Variants in RC3H2 observed in about 807,000 individuals in gnomAD.
RC3H2 encodes ring finger and CCCH-type domains 2, also known as roquin-2.
RC3H2 carries 31 observed loss-of-function variants against 133.3 expected under a neutral mutation model. The ratio of observed to expected loss-of-function variants is 0.23; its 90% CI spans 0.17 to 0.31. RC3H2 has a LOEUF of 0.31. Ranked by LOEUF, RC3H2 falls within the 10% of genes least tolerant of loss-of-function variation. RC3H2 has a pLI of 1.00. For missense variants in RC3H2, 1,175 were observed against 1,437.2 expected (o/e 0.82, Z 2.95); for synonymous variants, 517 against 502.2 (o/e 1.03, Z -0.40).
chr9:122,859,148 C>A (rs776918671), intron 11 of RC3H2, 46 bp from the exon 12 acceptor site: 16 of 1,418,092 alleles, frequency 1.1e-5, no homozygotes, highest in Non-Finnish European at 1.5e-5. Flanking sequence ...TTAGTACAAT[C>A]CAACATTTTA....
intron 10 of RC3H2, among the ~76,000 whole-genome samples, chr9:122,863,869 C>G (rs779283836): frequency 1.3e-5 from 2 of 152,154 alleles, no homozygotes; most frequent in African/African-American, 2.4e-5. Context: ...TCCCAGGTAG[C>G]TGGGATTACA....
intron 8 of RC3H2, among the ~76,000 whole-genome samples, chr9:122,879,509 T>C (rs1295607130): frequency 6.6e-6 from 1 of 152,220 alleles, no homozygotes; most frequent in Non-Finnish European, 1.5e-5. Context: ...TGGAATCAAT[T>C]ATCTACATTT....
chr9:122,875,914 G>T (rs1024290230), intron 9 of RC3H2, among the ~76,000 whole-genome samples: 1 of 152,176 alleles, frequency 6.6e-6, no homozygotes, highest in African/African-American at 2.4e-5. Context: ...ACAATGAGAG[G>T]CTATCAAAGG....
Position 122,905,134 on chromosome 9 carries a change from T to C in RC3H2, c.-92A>G. 1 of 985,328 alleles carries C rather than the reference T, an allele frequency of 1.0e-6. No homozygotes were observed. Among genetic ancestry groups the C allele is most frequent in the Non-Finnish European group, 1.2e-6 (1 of 829,884 alleles). The allele number at this position is 985,328 out of a possible 1,614,324, so 61.0% of individuals were successfully genotyped here. On this transcript the variant is annotated 5_prime_UTR_variant, in exon 1 of 21. It removes the in-frame stop codon of an upstream open reading frame in the 5' UTR. Transcript: ENST00000357244. The stretch of plus-strand genomic sequence containing the variant: ...CCTGAGGGGGCCCGGGCGGGGTCGC[T>C]AAGGGCCGCTCCCGGGAGCCCCGCG...
intron 9 of RC3H2, chr9:122,874,462 C>T (rs1831246518): frequency 2.0e-5 from 3 of 151,570 alleles, no homozygotes; most frequent in South Asian, 4.2e-4. Flanking sequence ...AATAATTTTG[C>T]CATTATTATT....
intron 9 of RC3H2, among the ~76,000 whole-genome samples, chr9:122,876,696 G>A (rs988378930): frequency 6.6e-6 from 1 of 150,956 alleles, no homozygotes; most frequent in African/African-American, 2.4e-5. Flanking sequence ...TTTTTGGTGA[G>A]GTCTCAAAAA....
chr9:122,858,987 G>A lies in RC3H2; in HGVS notation c.1965C>T (p.Ala655=), dbSNP rs750527318. The change falls in exon 12 of 21, where the codon GCC becomes GCT. Residue 655 remains alanine (A), a synonymous_variant. Coordinates refer to ENST00000357244, the MANE Select transcript of RC3H2 (RefSeq NM_001100588.3). ...SSLPPASMPY[A]DHYSTFSPRD... is the part of the protein sequence containing the mutation. ...GAGGGGAAAATGTACTGTAATGATC[G>A]GCATATGGCATGGAAGCAGGTGGGA... 31 of 1,613,944 alleles carry A rather than the reference G, an allele frequency of 1.9e-5. No individual in the cohort carries two copies. Among genetic ancestry groups the A allele is most frequent in the Admixed American group, 1.2e-4 (7 of 59,996 alleles).
At chr9:122,887,791 C>T (rs1027124716) in intron 4 of RC3H2, among the ~76,000 whole-genome samples, 2 of 136,914 alleles carry the variant, frequency 1.5e-5, no homozygotes, top group African/African-American at 5.6e-5. Flanking sequence ...TTCACCCAGG[C>T]TAAAGTGAAG....
At chr9:122,881,018 G>A (rs1831597234) in intron 5 of RC3H2, among the ~76,000 whole-genome samples, 1 of 152,146 alleles carries the variant, frequency 6.6e-6, no homozygotes, top group Admixed American at 6.5e-5. Flanking sequence ...TCAGCCACTA[G>A]TAAGAAAGAG....
Position 122,849,693 on chromosome 9 carries a change from A to G in RC3H2, c.3510T>C (p.His1170=), listed in dbSNP as rs762527921. The G allele has an allele frequency of 1.2e-6, 2 of 1,613,610 alleles. No homozygotes were observed. Among genetic ancestry groups the G allele is most frequent in the South Asian group, 2.2e-5 (2 of 91,032 alleles). ...VSAGNLILKT[H]VMSEDKNDFL... is the part of the protein sequence containing the mutation. ...AGTCGTTTTTATCTTCAGACATAAC[A>G]TGAGTTTTCAGAATGAGGTTGCCAG... Residue 1170 remains histidine (H), a synonymous_variant, in exon 21 of 21, where the codon CAT becomes CAC. Coordinates refer to ENST00000357244, the MANE Select transcript of RC3H2 (RefSeq NM_001100588.3).
At chr9:122,891,773 T>C (rs1342444724) in intron 3 of RC3H2, among the ~76,000 whole-genome samples, 1 of 152,224 alleles carries the variant, frequency 6.6e-6, no homozygotes, top group Non-Finnish European at 1.5e-5. Context: ...GTGCAAAGCA[T>C]TCAACAGGTA....
intron 9 of RC3H2, chr9:122,874,588 G>T (rs1348347185): frequency 1.3e-5 from 2 of 152,140 alleles, no homozygotes; most frequent in African/African-American, 4.8e-5. Context: ...TATAATCTCA[G>T]TTCACGGCAG....
chr9:122,863,061 T>C (rs1209710721), intron 10 of RC3H2, among the ~76,000 whole-genome samples: 1 of 152,178 alleles, frequency 6.6e-6, no homozygotes, highest in African/African-American at 2.4e-5. Context: ...GAGAAACCTG[T>C]ACCCATTAGC....
intron 20 of RC3H2, 124 bp from the exon 21 acceptor site, chr9:122,849,946 T>A (rs1451836053): frequency 3.2e-5 from 17 of 528,710 alleles, no homozygotes; most frequent in Non-Finnish European, 9.4e-6. Flanking sequence ...CATGTCTTTA[T>A]CACTAGAAGT....
At chr9:122,850,526 T>G (rs951005417) in intron 20 of RC3H2, among the ~76,000 whole-genome samples, 6 of 151,880 alleles carry the variant, frequency 4.0e-5, no homozygotes, top group Non-Finnish European at 1.5e-5. Flanking sequence ...GCTCACTGTC[T>G]CCGCCTCCCG....
At chr9:122,859,251 G>GTTTT in intron 11 of RC3H2, 149 bp from the exon 12 acceptor site, 1 of 307,270 alleles carries the variant, frequency 3.3e-6, no homozygotes, top group Non-Finnish European at 4.5e-6. Context: ...TTATACCCTG[G>GTTTT]CTTTTTTTTT....
intron 9 of RC3H2, among the ~76,000 whole-genome samples, chr9:122,867,441 C>G (rs1258071566): frequency 1.3e-5 from 2 of 148,902 alleles, no homozygotes; most frequent in Non-Finnish European, 3.0e-5. Flanking sequence ...CCAGCCACCC[C>G]GTCCAGGAGG....
intron 3 of RC3H2, among the ~76,000 whole-genome samples, chr9:122,891,069 G>GAC (rs1217991812): frequency 7.0e-6 from 1 of 142,970 alleles, no homozygotes; most frequent in Non-Finnish European, 1.5e-5. Context: ...GCCCAGGCTG[G>GAC]AGTGCAGTGG....
At position 122,865,671 on chromosome 9, in the gene RC3H2, A is replaced by G. The variant is rs1441317279; in HGVS notation, c.1326-14T>C. 3 of 1,599,904 alleles carry G rather than the reference A, an allele frequency of 1.9e-6. No homozygotes were observed. The highest frequency in any genetic ancestry group is 3.3e-5 in the Admixed American group (2 of 59,718). On this transcript the variant is annotated splice_polypyrimidine_tract_variant and intron_variant, in intron 9 of 20. Transcript: ENST00000357244. ...CTTAATCGATACCTGTTTCAAAAAC[A>G]ATCAACAGATTGGTGAATATTTCAC... is the stretch of plus-strand genomic sequence containing the variant.
Sources: allele counts gnomAD v4.1 joint callset (sites outside exome capture counted in the v4.1 genomes callset), GRCh38; gene constraint gnomAD v4.1.1; transcripts MANE v1.5; gene names NCBI Gene and HGNC (gene_info 2026-07-23, HGNC 2026-07-21).